C9orf43: variants seen among roughly 807,000 people sequenced by gnomAD.
C9orf43 encodes the protein chromosome 9 open reading frame 43, also known as uncharacterized protein C9orf43.
Under a neutral mutation model 59.1 loss-of-function variants are expected in C9orf43, and 45 were observed. The observed-to-expected ratio is 0.76, with a 90% CI of 0.60 to 0.98. The LOEUF (loss-of-function observed/expected upper bound fraction) is 0.98. Among genes scored for constraint, C9orf43 ranks in the 50% least tolerant of loss-of-function variants. The probability of loss-of-function intolerance (pLI) is 0.00; values close to 1 mark genes in which losing one functional copy is unlikely to be tolerated. For synonymous variants in C9orf43, 203 were observed against 196.8 expected (o/e 1.03, Z -0.26); for missense variants, 533 against 554.9 (o/e 0.96, Z 0.40).
rs763805309 is a variant in C9orf43 at position 113,410,784 on chromosome 9, A to C, written c.-267A>C. On this transcript the variant is annotated 5_prime_UTR_variant, in exon 1 of 14. Transcript: ENST00000374165. Reference sequence around the variant, plus strand: ...AGGCTCTGGGCCCGCCGGGTCCGTTAATCTCACCGCGCCGCAAGGGGCCAC... The same window carrying C: ...AGGCTCTGGGCCCGCCGGGTCCGTTCATCTCACCGCGCCGCAAGGGGCCAC... 5.4e-5 allele frequency: 14 copies of C among 257,166 alleles called. No homozygotes were observed. Among genetic ancestry groups the C allele is most frequent in the Non-Finnish European group, 8.2e-5 (13 of 157,648 alleles). The allele number at this position is 257,166 out of a possible 1,614,324, so 15.9% of individuals were successfully genotyped here.
chr9:113,427,439 A>G (rs1398060639), intron 11 of C9orf43, among the ~76,000 whole-genome samples: 1 of 152,178 alleles, frequency 6.6e-6, no homozygotes, highest in Non-Finnish European at 1.5e-5. Context: ...GGCCTCCCAA[A>G]ATGTTGGGAT....
chr9:113,418,597 C>T (rs953557934), intron 3 of C9orf43, among the ~76,000 whole-genome samples: 2 of 152,072 alleles, frequency 1.3e-5, no homozygotes, highest in Non-Finnish European at 2.9e-5. Context: ...GTGTGAATAT[C>T]GTCCTTGTGG....
At position 113,416,499 on chromosome 9, in the gene C9orf43, C is replaced by T. The variant is rs1487840149; in HGVS notation, c.287+2605C>T. ...CCTGTCACTTCATTAAGTCCCTTTC[C>T]TGGCCTGTAAGGCCCTACGAGATCT... On this transcript the variant is annotated intron_variant, in intron 3 of 13. Coordinates refer to ENST00000374165, the MANE Select transcript of C9orf43 (RefSeq NM_001278629.2). 2.0e-5 allele frequency among the ~76,000 whole-genome samples: 3 copies of T among 152,178 alleles called. 1 individual carries two copies. The highest frequency in any genetic ancestry group is 7.2e-5 in the African/African-American group (3 of 41,436).
At position 113,413,576 on chromosome 9, in the gene C9orf43, T is replaced by C. The variant is rs1828249899; in HGVS notation, c.83T>C (p.Ile28Thr). 6.2e-7 allele frequency: 1 copy of C among 1,614,108 alleles called. No homozygotes were observed. The highest frequency in any genetic ancestry group is 1.3e-5 in the African/African-American group (1 of 74,938). ...VCQHPQCWATIRRIERGHPRI... is the reference protein window; with the variant it reads ...VCQHPQCWATTRRIERGHPRI... ...CAGCACCCACAATGCTGGGCAACTA[T>C]CCGCCGCATTGAGAGGGGCCATCCT... is the stretch of plus-strand genomic sequence containing the variant. The change falls in exon 2 of 14, where the codon ATC becomes ACC. Residue 28 changes from isoleucine (I) to threonine (T), a missense_variant. Coordinates refer to ENST00000374165, the MANE Select transcript of C9orf43 (RefSeq NM_001278629.2).
chr9:113,425,939 G>A (rs1484505573), intron 11 of C9orf43, among the ~76,000 whole-genome samples: 2 of 152,192 alleles, frequency 1.3e-5, no homozygotes, highest in Non-Finnish European at 2.9e-5. Context: ...CCAGATGTCT[G>A]CTTCACATGA....
rs927202284 is a variant in C9orf43 at position 113,429,533 on chromosome 9, G to A, written c.*147G>A. 6.2e-6 allele frequency: 4 copies of A among 645,810 alleles called. No individual in the cohort carries two copies. The highest frequency in any genetic ancestry group is 1.1e-5 in the Non-Finnish European group (4 of 371,354). The allele number at this position is 645,810 out of a possible 1,614,324, so 40.0% of individuals were successfully genotyped here. A position where few individuals can be genotyped will look rare whatever the true frequency, so the allele number is the denominator to read the frequency against. ...CTCTGGAGCCTTTACCAGGGCCTGAGCTCTGAGCTTAGGGATTCCATTTTC... is the reference window on the plus strand; with the variant it reads ...CTCTGGAGCCTTTACCAGGGCCTGAACTCTGAGCTTAGGGATTCCATTTTC... On this transcript the variant is annotated 3_prime_UTR_variant, in exon 14 of 14. Coordinates refer to ENST00000374165, the MANE Select transcript of C9orf43 (RefSeq NM_001278629.2).
intron 1 of C9orf43, among the ~76,000 whole-genome samples, chr9:113,412,513 C>T (rs1262193559): frequency 2.6e-5 from 4 of 152,236 alleles, no homozygotes; most frequent in Middle Eastern, 3.4e-3. Context: ...GGACACTGTC[C>T]TTAAAAAGTT....
Position 113,413,646 on chromosome 9 carries a change from T to A in C9orf43, c.151+2T>A, listed in dbSNP as rs1175134660. On this transcript the variant is annotated splice_donor_variant, in intron 2 of 13. Coordinates refer to ENST00000374165, the MANE Select transcript of C9orf43 (RefSeq NM_001278629.2). LOFTEE classifies it high-confidence loss of function. ...GCAAAACTCCCCTGGATGCTGAAGG[T>A]GAATTAGCCAGCTTCTGTCCTCTCC... 1.2e-6 allele frequency: 2 copies of A among 1,613,986 alleles called. No homozygotes were observed. Among genetic ancestry groups the A allele is most frequent in the Non-Finnish European group, 1.7e-6 (2 of 1,179,878 alleles).
chr9:113,429,096 T>C, intron 13 of C9orf43, 76 bp from the exon 14 acceptor site: 1 of 1,544,524 alleles, frequency 6.5e-7, no homozygotes, highest in Non-Finnish European at 8.9e-7. Context: ...AACACCCCAT[T>C]TTTCCTTTTC....
intron 3 of C9orf43, among the ~76,000 whole-genome samples, chr9:113,417,291 A>G (rs1199910207): frequency 2.0e-5 from 3 of 151,848 alleles, no homozygotes; most frequent in Non-Finnish European, 4.4e-5. Flanking sequence ...CTTCCAAACT[A>G]CCCCCAGTAC....
chr9:113,415,390 G>A (rs981439671), intron 3 of C9orf43, among the ~76,000 whole-genome samples: 1 of 152,268 alleles, frequency 6.6e-6, no homozygotes, highest in East Asian at 1.9e-4. Context: ...AATGAATTGT[G>A]TGCTTAAAAA....
Position 113,413,469 on chromosome 9 carries a change from C to T in C9orf43, c.-25C>T. On this transcript the variant is annotated 5_prime_UTR_variant, in exon 2 of 14. Coordinates refer to ENST00000374165, the MANE Select transcript of C9orf43 (RefSeq NM_001278629.2). ...GAGCACTAGAATGCTGCAGGGTTGG[C>T]CTTTGGCCTAAACCATTTCTAGCTA... 1 of 1,602,648 alleles carries T rather than the reference C, an allele frequency of 6.2e-7. No homozygotes were observed. Among genetic ancestry groups the T allele is most frequent in the South Asian group, 1.1e-5 (1 of 90,560 alleles).
chr9:113,425,200 CT>C, intron 9 of C9orf43, 124 bp downstream of exon 9: 1 of 1,452,448 alleles, frequency 6.9e-7, no homozygotes, highest in South Asian at 1.2e-5. Context: ...ACATGTAGAA[CT>C]CAGGAAACAA....
chr9:113,412,290 A>T (rs1045753988), intron 1 of C9orf43, among the ~76,000 whole-genome samples: 3 of 152,230 alleles, frequency 2.0e-5, no homozygotes, highest in Non-Finnish European at 2.9e-5. Context: ...GGGCTATTTC[A>T]ATTTTAAAAT....
chr9:113,427,045 A>G (rs1828817575), intron 11 of C9orf43, among the ~76,000 whole-genome samples: 1 of 152,154 alleles, frequency 6.6e-6, no homozygotes, highest in South Asian at 2.1e-4. Context: ...TATTTAAGGG[A>G]GAGTGGTCTA....
chr9:113,411,038 T>A, intron 1 of C9orf43, 37 bp downstream of exon 1: 2 of 985,488 alleles, frequency 2.0e-6, no homozygotes, highest in Non-Finnish European at 2.4e-6. Context: ...TTTATTGTTG[T>A]TGTTTGTGTT....
chr9:113,411,731 T>G (rs907824416), intron 1 of C9orf43, among the ~76,000 whole-genome samples: 2 of 152,166 alleles, frequency 1.3e-5, no homozygotes, highest in Non-Finnish European at 2.9e-5. Flanking sequence ...CAGGCTGGAG[T>G]GCAGCGGCAC....
chr9:113,425,031 C>A lies in C9orf43; in HGVS notation c.820C>A (p.Arg274=). Residue 274 remains arginine (R), a synonymous_variant, in exon 9 of 14, where the codon CGA becomes AGA. Coordinates refer to ENST00000374165, the MANE Select transcript of C9orf43 (RefSeq NM_001278629.2). ...TTTCTTTCTCCAGAGACCAGCACTGCGATATCCTGAACGTTTGAAGAAATT... is the reference window on the plus strand; with the variant it reads ...TTTCTTTCTCCAGAGACCAGCACTGAGATATCCTGAACGTTTGAAGAAATT... The part of the protein sequence containing the change: ...HRLTLERPAL[R]YPERLKKLHN... 4.3e-6 allele frequency: 7 copies of A among 1,612,064 alleles called. No homozygotes were observed. Among genetic ancestry groups the A allele is most frequent in the Non-Finnish European group, 5.9e-6 (7 of 1,179,868 alleles).
chr9:113,417,360 A>T (rs1828403656), intron 3 of C9orf43, among the ~76,000 whole-genome samples: 1 of 152,064 alleles, frequency 6.6e-6, no homozygotes, highest in East Asian at 1.9e-4. Context: ...GTCCAACTGG[A>T]TTTTAGGCCC....
Sources: allele counts gnomAD v4.1 joint callset (sites outside exome capture counted in the v4.1 genomes callset), GRCh38; gene constraint gnomAD v4.1.1; transcripts MANE v1.5; gene names NCBI Gene and HGNC (gene_info 2026-07-23, HGNC 2026-07-21).